The following SDK2 variants were observed in gnomAD, a reference collection of about 807,000 sequenced individuals.
SDK2 encodes sidekick cell adhesion molecule 2, also known as protein sidekick-2.
In SDK2, 105 loss-of-function variants were observed where a neutral mutation model predicts 253.9. The ratio of observed to expected loss-of-function variants is 0.41; its 90% CI spans 0.35 to 0.49. The LOEUF is 0.49. SDK2 is among the 20% of genes least tolerant of loss of function. The probability of loss-of-function intolerance (pLI) is 0.06; values close to 1 mark genes in which losing one functional copy is unlikely to be tolerated. For missense variants in SDK2, 2,608 were observed against 3,003.0 expected, an observed-to-expected ratio of 0.87 and a Z score of 3.07; for synonymous variants, 1,249 against 1,234.9, an observed-to-expected ratio of 1.01 and a Z score of -0.24.
In SDK2 at chr17:73,379,830, A is replaced by G. The variant is rs2062816364; in HGVS notation, c.4763-281T>C. ...TTTTGAGACTGAAACCACTATGAAT[A>G]TTTACACCGGGACAACCAGTGTAAA... On this transcript the variant is annotated intron_variant, in intron 34 of 44. Coordinates refer to ENST00000392650, the MANE Select transcript of SDK2 (RefSeq NM_001144952.2). This position sits in a 1 kb window ranked among gnomAD's most constrained non-coding sequence, Gnocchi z 4.5. Among the ~76,000 whole-genome samples the G allele has an allele frequency of 6.6e-6, 1 of 151,554 alleles. No homozygotes were observed. The highest frequency in any genetic ancestry group is 2.1e-4 in the South Asian group (1 of 4,812).
At chr17:73,559,803 C>G (rs893688312) in intron 1 of SDK2, among the ~76,000 whole-genome samples, 2 of 152,172 alleles carry the variant, frequency 1.3e-5, no homozygotes, top group Non-Finnish European at 2.9e-5. Context: ...CATAATGCCA[C>G]AAAAACCTTG....
At chr17:73,569,943 C>A (rs945188436) in intron 1 of SDK2, among the ~76,000 whole-genome samples, 2 of 152,114 alleles carry the variant, frequency 1.3e-5, no homozygotes, top group Admixed American at 6.5e-5. Flanking sequence ...GGCCGAGGAG[C>A]CTCTCTGCAG....
Position 73,336,065 on chromosome 17 carries a change from T to G in SDK2, c.*2522A>C, listed in dbSNP as rs2062375299. The G allele has an allele frequency of 6.6e-6, 1 of 152,066 alleles. No individual in the cohort carries two copies. The highest frequency in any genetic ancestry group is 2.4e-5 in the African/African-American group (1 of 41,400). 9.4% of individuals were successfully genotyped at this position (152,066 alleles called of 1,614,324 possible). A position where few individuals can be genotyped will look rare whatever the true frequency, so the allele number is the denominator to read the frequency against. ...ACACAATGTTTTTACTCACTCCTGC[T>G]TCCTCCCAAATAATCCCTCACTGGG... On this transcript the variant is annotated 3_prime_UTR_variant, in exon 45 of 45. Coordinates refer to ENST00000392650, the MANE Select transcript of SDK2 (RefSeq NM_001144952.2).
At chr17:73,430,048 C>T (rs374159067) in intron 12 of SDK2, among the ~76,000 whole-genome samples, 2 of 152,180 alleles carry the variant, frequency 1.3e-5, no homozygotes, top group South Asian at 2.1e-4. Flanking sequence ...CATCTCCTGC[C>T]CCACCCCTAT....
intron 37 of SDK2, among the ~76,000 whole-genome samples, chr17:73,367,932 TTCA>T (rs1338334208): frequency 1.3e-5 from 2 of 152,210 alleles, no homozygotes; most frequent in African/African-American, 4.8e-5. Flanking sequence ...CTGCATTTAC[TTCA>T]TCAACTTGCT....
At position 73,467,352 on chromosome 17, in the gene SDK2, G is replaced by A. The variant is rs2063609342; in HGVS notation, c.331+4760C>T. Among the ~76,000 whole-genome samples the A allele has an allele frequency of 6.6e-6, 1 of 152,082 alleles. No individual in the cohort carries two copies. The highest frequency in any genetic ancestry group is 6.5e-5 in the Admixed American group (1 of 15,272). Reference sequence around the variant, plus strand: ...TCAAATCCCAGTTTTTCCTAACTGTGTGACTTAGACAAGGTGTGTCACCCG... The same window carrying A: ...TCAAATCCCAGTTTTTCCTAACTGTATGACTTAGACAAGGTGTGTCACCCG... On this transcript the variant is annotated intron_variant, in intron 3 of 44. Transcript: ENST00000392650. This position sits in a 1 kb window ranked among gnomAD's most constrained non-coding sequence, Gnocchi z 4.1.
intron 1 of SDK2, among the ~76,000 whole-genome samples, chr17:73,623,932 T>C (rs1014409985): frequency 2.0e-5 from 3 of 152,214 alleles, no homozygotes; most frequent in Admixed American, 2.0e-4. Flanking sequence ...TTCTCCTTCC[T>C]GTATCAAAGA....
chr17:73,402,019 G>A lies in SDK2; in HGVS notation c.2607C>T (p.Thr869=). 2 of 1,613,924 alleles carry A rather than the reference G, an allele frequency of 1.2e-6. No individual in the cohort carries two copies. The highest frequency in any genetic ancestry group is 1.7e-6 in the Non-Finnish European group (2 of 1,179,860). Residue 869 remains threonine (T), a synonymous_variant, in exon 19 of 45, where the codon ACC becomes ACT. Transcript: ENST00000392650. ...SGLKKFTEYF[T]SVLCFTTPGD... ...CGGGGGTGGTGAAACACAGCACTGA[G>A]GTGAAGTACTCGGTGAACTTCTTCA...
At chr17:73,499,420 C>T (rs1445741392) in intron 2 of SDK2, among the ~76,000 whole-genome samples, 5 of 152,378 alleles carry the variant, frequency 3.3e-5, no homozygotes, top group East Asian at 3.9e-4. Context: ...AGCCTGGGGC[C>T]GGCCAGATGC....
intron 1 of SDK2, among the ~76,000 whole-genome samples, chr17:73,548,407 G>C (rs1158994242): frequency 6.6e-6 from 1 of 152,222 alleles, no homozygotes; most frequent in Non-Finnish European, 1.5e-5. Context: ...GGGTCCTCCT[G>C]TCCACACAGC....
chr17:73,469,644 C>T lies in SDK2; in HGVS notation c.331+2468G>A, dbSNP rs538346644. ...TGGGTCCAGGGGAAGGGACCACACA[C>T]GTGTCTGGCCTGGTGTGGAGGGAGT... On this transcript the variant is annotated intron_variant, in intron 3 of 44. Transcript: ENST00000392650. Among the ~76,000 whole-genome samples, 324 of 152,298 alleles carry T rather than the reference C, an allele frequency of 2.1e-3. 1 individual carries two copies. The highest frequency in any genetic ancestry group is 7.5e-3 in the African/African-American group (310 of 41,574).
intron 3 of SDK2, among the ~76,000 whole-genome samples, chr17:73,459,295 C>G (rs2063548841): frequency 6.6e-6 from 1 of 152,152 alleles, no homozygotes; most frequent in Non-Finnish European, 1.5e-5. Context: ...ATTAGTTTTT[C>G]TGACCTTGGA....
intron 2 of SDK2, among the ~76,000 whole-genome samples, chr17:73,486,714 C>T (rs2063771748): frequency 6.6e-6 from 1 of 151,598 alleles, no homozygotes; most frequent in South Asian, 2.1e-4. Context: ...GGAGTGCAGT[C>T]CCTGGCAGAA....
At chr17:73,387,789 G>A (rs765266551) in intron 30 of SDK2, 47 bp downstream of exon 30, 10 of 1,477,106 alleles carry the variant, frequency 6.8e-6, no homozygotes, top group East Asian at 2.5e-5. Flanking sequence ...CGCTGGTCCC[G>A]GCGGGGAGAG....
chr17:73,504,997 C>T (rs1473077053), intron 2 of SDK2, among the ~76,000 whole-genome samples: 1 of 152,150 alleles, frequency 6.6e-6, no homozygotes, highest in African/African-American at 2.4e-5. Flanking sequence ...CCCAGGCCAC[C>T]AGATCCAACA....
intron 4 of SDK2, among the ~76,000 whole-genome samples, chr17:73,450,463 G>A (rs927522060): frequency 2.6e-5 from 4 of 152,180 alleles, no homozygotes; most frequent in African/African-American, 4.8e-5. Flanking sequence ...ACTATGTGCC[G>A]GGACCATGCC....
At chr17:73,412,982 A>C (rs779422680) in intron 18 of SDK2, among the ~76,000 whole-genome samples, 10 of 152,116 alleles carry the variant, frequency 6.6e-5, no homozygotes, top group Admixed American at 2.0e-4. Flanking sequence ...AATCCCCAGA[A>C]CTGTGCAAAA....
intron 1 of SDK2, among the ~76,000 whole-genome samples, chr17:73,593,889 G>A (rs958341162): frequency 2.0e-5 from 3 of 152,142 alleles, no homozygotes; most frequent in African/African-American, 2.4e-5. Flanking sequence ...TTGAGCACTG[G>A]CCATGTGGCC....
intron 3 of SDK2, among the ~76,000 whole-genome samples, chr17:73,464,558 C>G (rs928425551): frequency 6.6e-6 from 1 of 152,218 alleles, no homozygotes; most frequent in African/African-American, 2.4e-5. Context: ...GGGATCTGTC[C>G]CCAAGTTCTC....
Sources: gnomAD v4.1 joint callset for allele counts (sites outside exome capture counted in the v4.1 genomes callset) on GRCh38, gnomAD v4.1.1 for gene constraint, Gnocchi (gnomAD v3.1) non-coding constraint, MANE v1.5 for transcripts, NCBI Gene and HGNC (gene_info 2026-07-23, HGNC 2026-07-21) for gene names.